DYNC1I1: variants seen among roughly 807,000 people sequenced by gnomAD.
DYNC1I1 encodes the protein cytoplasmic dynein 1 intermediate chain 1.
In DYNC1I1, 43 loss-of-function variants were observed where a neutral mutation model predicts 86.6. That is an observed-to-expected ratio of 0.50 (90% CI 0.39 to 0.64). The LOEUF is 0.64. DYNC1I1 is among the 30% of genes least tolerant of loss of function. The probability of loss-of-function intolerance (pLI) is 0.00; values close to 1 mark genes in which losing one functional copy is unlikely to be tolerated. For missense variants in DYNC1I1, 604 were observed against 788.8 expected, an observed-to-expected ratio of 0.77 and a Z score of 2.81; for synonymous variants, 262 against 283.7, an observed-to-expected ratio of 0.92 and a Z score of 0.77.
intron 14 of DYNC1I1, among the ~76,000 whole-genome samples, chr7:96,071,853 G>A (rs1790172696): frequency 6.6e-6 from 1 of 152,200 alleles, no homozygotes; most frequent in Non-Finnish European, 1.5e-5. Context: ...GAATGGGAGA[G>A]TAAAGAATAG....
At chr7:96,096,407 A>G (rs187941210) in intron 16 of DYNC1I1, among the ~76,000 whole-genome samples, 30 of 152,264 alleles carry the variant, frequency 2.0e-4, no homozygotes, top group African/African-American at 6.7e-4. Flanking sequence ...TAGTACCTAT[A>G]GGTAAATTAC....
chr7:96,015,703 A>G (rs574726834), intron 10 of DYNC1I1, among the ~76,000 whole-genome samples: 1 of 152,252 alleles, frequency 6.6e-6, no homozygotes, highest in African/African-American at 2.4e-5. Flanking sequence ...TGAACCCACA[A>G]GGACACATTT....
intron 1 of DYNC1I1, among the ~76,000 whole-genome samples, chr7:95,802,330 C>G (rs908267492): frequency 4.6e-5 from 7 of 152,034 alleles, no homozygotes; most frequent in African/African-American, 1.7e-4. Context: ...TTCCTTGGTC[C>G]CTCTTGGCTG....
chr7:95,838,701 AT>A (rs372390165), intron 5 of DYNC1I1, among the ~76,000 whole-genome samples: 2 of 151,654 alleles, frequency 1.3e-5, no homozygotes, highest in South Asian at 2.1e-4. Context: ...TTTGTCTTCA[AT>A]TTTTTTTCAT....
At chr7:95,817,480 C>G (rs1364397281) in intron 4 of DYNC1I1, among the ~76,000 whole-genome samples, 3 of 152,058 alleles carry the variant, frequency 2.0e-5, no homozygotes, top group Non-Finnish European at 4.4e-5. Flanking sequence ...AAGTAATGCT[C>G]TATAAAGTAC....
chr7:95,814,280 T>C (rs1312240196), intron 4 of DYNC1I1, among the ~76,000 whole-genome samples: 2 of 152,208 alleles, frequency 1.3e-5, no homozygotes, highest in African/African-American at 4.8e-5. Context: ...TTAATGACTT[T>C]TGTTCCAAGT....
Position 96,034,019 on chromosome 7 carries a change from AT to A in DYNC1I1, c.1230+1240del, listed in dbSNP as rs147859710. On this transcript the variant is annotated intron_variant, in intron 12 of 16. Transcript: ENST00000447467. ...AGTGAGACTTTGTCTCTTGAAAAAAATAATTATTATTATTATTATACACACA... is the reference window on the plus strand; with the variant it reads ...AGTGAGACTTTGTCTCTTGAAAAAAAAATTATTATTATTATTATACACACA... Among the ~76,000 whole-genome samples, 1,501 of 152,076 alleles carry A rather than the reference AT, an allele frequency of 9.9e-3. 14 individuals carry two copies. Among genetic ancestry groups the A allele is most frequent in the Middle Eastern group, 0.027 (8 of 294 alleles).
At chr7:96,069,316 A>T (rs1790094394) in intron 14 of DYNC1I1, among the ~76,000 whole-genome samples, 1 of 152,224 alleles carries the variant, frequency 6.6e-6, no homozygotes, top group Non-Finnish European at 1.5e-5. Context: ...GATCTTTCAG[A>T]GAGCAAGACT....
At chr7:96,041,721 G>C (rs1789058141) in intron 14 of DYNC1I1, among the ~76,000 whole-genome samples, 1 of 152,052 alleles carries the variant, frequency 6.6e-6, no homozygotes. Context: ...AAGCAAAGTG[G>C]AGAGAAGTGC....
At chr7:96,023,054 C>G (rs1340256331) in intron 10 of DYNC1I1, among the ~76,000 whole-genome samples, 1 of 152,074 alleles carries the variant, frequency 6.6e-6, no homozygotes, top group African/African-American at 2.4e-5. Context: ...TCCAAATACA[C>G]TTTTCCATTA....
intron 6 of DYNC1I1, among the ~76,000 whole-genome samples, chr7:95,896,052 G>T (rs1790875158): frequency 6.6e-6 from 1 of 152,190 alleles, no homozygotes; most frequent in African/African-American, 2.4e-5. Context: ...TGAAGTGTTG[G>T]TGCTGGACAA....
chr7:95,886,842 T>G (rs1453893637), intron 6 of DYNC1I1, among the ~76,000 whole-genome samples: 3 of 152,190 alleles, frequency 2.0e-5, no homozygotes, highest in Admixed American at 1.3e-4. Context: ...TGGAAACACT[T>G]CCTTGTGAGT....
intron 1 of DYNC1I1, among the ~76,000 whole-genome samples, chr7:95,790,896 G>A (rs1356207181): frequency 6.6e-6 from 1 of 152,132 alleles, no homozygotes; most frequent in Non-Finnish European, 1.5e-5. Flanking sequence ...CTCTGCATGT[G>A]CTTTTCCACT....
intron 6 of DYNC1I1, among the ~76,000 whole-genome samples, chr7:95,938,522 A>G (rs1357545682): frequency 1.3e-5 from 2 of 152,150 alleles, no homozygotes; most frequent in Non-Finnish European, 2.9e-5. Flanking sequence ...TAATATCCTC[A>G]TTTTGGATGA....
intron 10 of DYNC1I1, among the ~76,000 whole-genome samples, chr7:96,021,605 G>C (rs1159947187): frequency 6.6e-6 from 1 of 152,084 alleles, no homozygotes; most frequent in African/African-American, 2.4e-5. Flanking sequence ...AATTAGCATT[G>C]TCTAATTCCA....
At chr7:95,804,412 G>A in intron 1 of DYNC1I1, 1 of 1,252,538 alleles carries the variant, frequency 8.0e-7, no homozygotes, top group Admixed American at 2.6e-5. Flanking sequence ...TTGTTTATTT[G>A]TTAAGAAACT....
intron 5 of DYNC1I1, among the ~76,000 whole-genome samples, chr7:95,848,211 T>G (rs922298766): frequency 6.1e-5 from 9 of 147,296 alleles, no homozygotes; most frequent in Non-Finnish European, 1.1e-4. Flanking sequence ...TACAGTTGTT[T>G]TTTTTTTTTT....
intron 14 of DYNC1I1, among the ~76,000 whole-genome samples, chr7:96,073,684 A>G (rs2116234039): frequency 6.6e-6 from 1 of 152,328 alleles, no homozygotes; most frequent in Non-Finnish European, 1.5e-5. Context: ...TAAAGCATAT[A>G]TAAACCTTTA....
At chr7:95,778,250 A>G (rs896211647) in intron 1 of DYNC1I1, among the ~76,000 whole-genome samples, 3 of 152,210 alleles carry the variant, frequency 2.0e-5, no homozygotes, top group Admixed American at 6.5e-5. Context: ...TTCTACAACC[A>G]CAGGCACATT....
Sources: allele counts gnomAD v4.1 joint callset (sites outside exome capture counted in the v4.1 genomes callset), GRCh38; gene constraint gnomAD v4.1.1; transcripts MANE v1.5; gene names NCBI Gene and HGNC (gene_info 2026-07-23, HGNC 2026-07-21).